Variants in DLC1 observed in about 807,000 individuals in gnomAD.
DLC1 encodes DLC1 Rho GTPase activating protein.
DLC1 carries 54 observed loss-of-function variants against 140.3 expected under a neutral mutation model. The observed-to-expected ratio is 0.38, with a 90% CI of 0.31 to 0.48. The LOEUF is 0.48. Ranked by LOEUF, DLC1 falls within the 20% of genes least tolerant of loss-of-function variation. DLC1 has a pLI of 0.96. For missense variants in DLC1, 2,536 were observed against 1,907.0 expected, an observed-to-expected ratio of 1.33 and a Z score of -6.14; for synonymous variants, 986 against 728.1, an observed-to-expected ratio of 1.35 and a Z score of -5.70.
intron 5 of DLC1, among the ~76,000 whole-genome samples, chr8:13,283,706 GATATCCCT>G (rs1831446568): frequency 6.6e-6 from 1 of 152,110 alleles, no homozygotes; most frequent in Non-Finnish European, 1.5e-5. Flanking sequence ...GTAGAGATCA[GATATCCCT>G]ATATTGCCCA....
intron 5 of DLC1, among the ~76,000 whole-genome samples, chr8:13,210,550 GTCTA>G (rs777715782): frequency 3.6e-4 from 55 of 152,204 alleles, no homozygotes; most frequent in Non-Finnish European, 6.8e-4. Flanking sequence ...TTCTATAGAG[GTCTA>G]TCTTTCAAAA....
intron 1 of DLC1, among the ~76,000 whole-genome samples, chr8:13,564,209 G>C (rs148442061): frequency 1.3e-3 from 194 of 152,210 alleles, no homozygotes; most frequent in African/African-American, 4.5e-3. Context: ...AAACAGAATA[G>C]AAAGATGGAG....
intron 2 of DLC1, among the ~76,000 whole-genome samples, chr8:13,409,945 C>G (rs909659732): frequency 6.6e-6 from 1 of 152,000 alleles, no homozygotes; most frequent in South Asian, 2.1e-4. Context: ...CATAGCACAG[C>G]TAGGTTTGAG....
chr8:13,314,146 A>G (rs1832780075), intron 4 of DLC1, among the ~76,000 whole-genome samples: 1 of 151,840 alleles, frequency 6.6e-6, no homozygotes, highest in African/African-American at 2.4e-5. Flanking sequence ...TCTTCACAAG[A>G]TTTATCACTT....
intron 2 of DLC1, among the ~76,000 whole-genome samples, chr8:13,422,845 A>G (rs1034533622): frequency 3.9e-5 from 6 of 152,160 alleles, no homozygotes; most frequent in African/African-American, 1.4e-4. Context: ...GTGCTATTAA[A>G]GCAAACAAAA....
chr8:13,222,220 A>C (rs1828591797), intron 5 of DLC1, among the ~76,000 whole-genome samples: 1 of 152,002 alleles, frequency 6.6e-6, no homozygotes, highest in Admixed American at 6.6e-5. Flanking sequence ...AAAATCATTT[A>C]ATCACTCACT....
chr8:13,147,161 G>T (rs34871619), intron 5 of DLC1, among the ~76,000 whole-genome samples: 1 of 152,176 alleles, frequency 6.6e-6, no homozygotes, highest in Non-Finnish European at 1.5e-5. Context: ...TCTATCAGCT[G>T]TATCATTTAG....
chr8:13,286,598 C>T (rs1443722377), intron 5 of DLC1, among the ~76,000 whole-genome samples: 2 of 151,292 alleles, frequency 1.3e-5, no homozygotes, highest in African/African-American at 4.9e-5. Flanking sequence ...GCACAGAATG[C>T]AACCTGAAAA....
At chr8:13,240,270 C>A (rs983246729) in intron 5 of DLC1, among the ~76,000 whole-genome samples, 1 of 152,074 alleles carries the variant, frequency 6.6e-6, no homozygotes, top group Non-Finnish European at 1.5e-5. Flanking sequence ...AGATTTAGCC[C>A]AGATTCAAAG....
chr8:13,197,089 G>A (rs550717507), intron 5 of DLC1, among the ~76,000 whole-genome samples: 18 of 152,252 alleles, frequency 1.2e-4, no homozygotes, highest in East Asian at 5.8e-4. Flanking sequence ...TATTTCATAC[G>A]TTTTGTTTAA....
chr8:13,423,690 T>G (rs994562038), intron 2 of DLC1, among the ~76,000 whole-genome samples: 1 of 152,202 alleles, frequency 6.6e-6, no homozygotes, highest in African/African-American at 2.4e-5. Context: ...ATAAAATTCT[T>G]ATTTACATTT....
At chr8:13,132,921 G>T in intron 5 of DLC1, 1 of 1,591,888 alleles carries the variant, frequency 6.3e-7, no homozygotes, top group African/African-American at 1.3e-5. Context: ...CCAGCCCGAC[G>T]GCAAGACGCA....
intron 1 of DLC1, among the ~76,000 whole-genome samples, chr8:13,561,720 A>T (rs562596355): frequency 6.6e-6 from 1 of 152,296 alleles, no homozygotes; most frequent in Admixed American, 6.5e-5. Context: ...GGTAATTCTG[A>T]CTGCTTGAAT....
At chr8:13,295,193 C>T (rs1831900305) in intron 5 of DLC1, among the ~76,000 whole-genome samples, 1 of 152,148 alleles carries the variant, frequency 6.6e-6, no homozygotes, top group East Asian at 1.9e-4. Flanking sequence ...TATCTATTTC[C>T]TTAAATCCAT....
intron 7 of DLC1, among the ~76,000 whole-genome samples, chr8:13,104,407 A>G (rs1819381203): frequency 6.6e-6 from 1 of 152,114 alleles, no homozygotes; most frequent in Non-Finnish European, 1.5e-5. Flanking sequence ...TGAAAAAAGA[A>G]ACACTTTAAA....
At chr8:13,344,518 C>G (rs1264870447) in intron 4 of DLC1, among the ~76,000 whole-genome samples, 3 of 152,198 alleles carry the variant, frequency 2.0e-5, no homozygotes, top group African/African-American at 4.8e-5. Flanking sequence ...AAACAAAATA[C>G]TTTCAATCTA....
At chr8:13,407,080 G>T (rs1006455391) in intron 2 of DLC1, among the ~76,000 whole-genome samples, 1 of 152,162 alleles carries the variant, frequency 6.6e-6, no homozygotes, top group Non-Finnish European at 1.5e-5. Flanking sequence ...TAGGTCAATA[G>T]ATACGAGGCA....
chr8:13,592,169 G>T (rs995130982), intron 1 of DLC1, among the ~76,000 whole-genome samples: 7 of 152,056 alleles, frequency 4.6e-5, no homozygotes, highest in African/African-American at 1.7e-4. Flanking sequence ...AGCTTTATTG[G>T]GCAAATGGTA....
chr8:13,237,600 C>T (rs1829347170), intron 5 of DLC1, among the ~76,000 whole-genome samples: 1 of 151,968 alleles, frequency 6.6e-6, no homozygotes. Context: ...AGACTTTTAT[C>T]CCTCAGCCCC....
Sources: allele counts gnomAD v4.1 joint callset (sites outside exome capture counted in the v4.1 genomes callset), GRCh38; gene constraint gnomAD v4.1.1; transcripts MANE v1.5; gene names NCBI Gene and HGNC (gene_info 2026-07-23, HGNC 2026-07-21).